Variants in GALNT13 observed in about 807,000 individuals in gnomAD.
GALNT13 encodes UDP-GalNAc:polypeptide N-acetylgalactosaminyltransferase 13.
In GALNT13, 28 loss-of-function variants were observed where a neutral mutation model predicts 64.2. The observed-to-expected ratio is 0.44, with a 90% confidence interval of 0.32 to 0.60. The LOEUF (loss-of-function observed/expected upper bound fraction) is 0.60, where lower values mean the gene tolerates loss of function less well. Among genes scored for constraint, GALNT13 ranks in the 20% least tolerant of loss-of-function variants. The pLI is 0.05. For synonymous variants in GALNT13, 214 were observed against 224.6 expected (o/e 0.95, Z 0.42); for missense variants, 577 against 669.8 (o/e 0.86, Z 1.53).
At chr2:154,203,061 G>T (rs1404835820) in intron 4 of GALNT13, among the ~76,000 whole-genome samples, 1 of 152,084 alleles carries the variant, frequency 6.6e-6, no homozygotes, top group Non-Finnish European at 1.5e-5. Context: ...GTCTGTACTT[G>T]TGTTTTCGGG....
chr2:153,323,682 G>T, the GALNT13 span, among the ~76,000 whole-genome samples: 1 of 152,094 alleles, frequency 6.6e-6, no homozygotes, highest in Non-Finnish European at 1.5e-5. Flanking sequence ...GTAAGGAAGG[G>T]GTCCAGTTTC....
chr2:154,101,985 A>C (rs887090712), intron 3 of GALNT13, among the ~76,000 whole-genome samples: 1 of 152,052 alleles, frequency 6.6e-6, no homozygotes, highest in Non-Finnish European at 1.5e-5. Flanking sequence ...TTCTCATTTT[A>C]GTTCACCCTG....
At chr2:153,725,319 G>C in the GALNT13 span, among the ~76,000 whole-genome samples, 3 of 151,398 alleles carry the variant, frequency 2.0e-5, no homozygotes, top group African/African-American at 4.8e-5. Flanking sequence ...GGAGGGGAGA[G>C]GGGGGAGGGA....
At chr2:153,486,091 C>T in the GALNT13 span, among the ~76,000 whole-genome samples, 610 of 152,174 alleles carry the variant, frequency 4.0e-3, 4 homozygotes, top group Middle Eastern at 0.02. Context: ...GCATGTGCCA[C>T]CACACCTGGC....
the GALNT13 span, among the ~76,000 whole-genome samples, chr2:153,318,212 G>C: frequency 6.7e-6 from 1 of 148,912 alleles, no homozygotes; most frequent in East Asian, 2.0e-4. Flanking sequence ...TCTGATACAA[G>C]GAATCACTGT....
chr2:153,700,740 C>T, the GALNT13 span, among the ~76,000 whole-genome samples: 1 of 152,118 alleles, frequency 6.6e-6, no homozygotes, highest in Non-Finnish European at 1.5e-5. Context: ...CCCCTATCCA[C>T]AATTGCTACA....
chr2:153,518,281 C>A, the GALNT13 span, among the ~76,000 whole-genome samples: 1 of 152,150 alleles, frequency 6.6e-6, no homozygotes, highest in African/African-American at 2.4e-5. Flanking sequence ...AAGTCACACA[C>A]AATCTGTCTC....
chr2:153,630,483 C>T, the GALNT13 span, among the ~76,000 whole-genome samples: 1 of 98,638 alleles, frequency 1.0e-5, no homozygotes, highest in African/African-American at 4.2e-5. Flanking sequence ...GAACATCACA[C>T]TCTGGGGACT....
chr2:153,113,475 T>A, the GALNT13 span, among the ~76,000 whole-genome samples: 1 of 151,990 alleles, frequency 6.6e-6, no homozygotes, highest in Admixed American at 6.6e-5. Flanking sequence ...AATCTTGTAC[T>A]CCAGGTTTCT....
the GALNT13 span, among the ~76,000 whole-genome samples, chr2:153,324,735 A>G: frequency 6.6e-6 from 1 of 152,192 alleles, no homozygotes; most frequent in African/African-American, 2.4e-5. Flanking sequence ...ATCTATTGAG[A>G]TAATCATGTG....
chr2:153,319,388 C>T, the GALNT13 span, among the ~76,000 whole-genome samples: 2 of 152,202 alleles, frequency 1.3e-5, no homozygotes, highest in African/African-American at 2.4e-5. Context: ...ATCCTCCCAC[C>T]TCAGCCTTCT....
intron 1 of GALNT13, among the ~76,000 whole-genome samples, chr2:153,875,537 G>T (rs1361905194): frequency 1.3e-5 from 2 of 152,100 alleles, no homozygotes; most frequent in African/African-American, 4.8e-5. Flanking sequence ...ATGCCAAGTT[G>T]ATTTCTAGAA....
the GALNT13 span, among the ~76,000 whole-genome samples, chr2:153,098,476 C>T: frequency 1.3e-5 from 2 of 152,078 alleles, no homozygotes; most frequent in East Asian, 1.9e-4. Context: ...AGTTTTGCCA[C>T]CTAAGTATGC....
At chr2:153,561,067 A>T in the GALNT13 span, among the ~76,000 whole-genome samples, 1 of 151,982 alleles carries the variant, frequency 6.6e-6, no homozygotes, top group African/African-American at 2.4e-5. Context: ...TTTATTGTAA[A>T]TAAAACCTTC....
the GALNT13 span, among the ~76,000 whole-genome samples, chr2:153,146,559 G>T: frequency 6.6e-6 from 1 of 151,840 alleles, no homozygotes; most frequent in Admixed American, 6.6e-5. Context: ...CATGACTGCA[G>T]GGTACATTAC....
chr2:153,382,268 A>G, the GALNT13 span, among the ~76,000 whole-genome samples: 1 of 151,980 alleles, frequency 6.6e-6, no homozygotes, highest in Admixed American at 6.6e-5. Context: ...CTACATGGGT[A>G]TATTGAACCC....
the GALNT13 span, among the ~76,000 whole-genome samples, chr2:153,411,467 CAG>C: frequency 6.6e-6 from 1 of 152,082 alleles, no homozygotes; most frequent in Non-Finnish European, 1.5e-5. Context: ...GGAAATGACT[CAG>C]ATAAAATCGG....
intron 9 of GALNT13, among the ~76,000 whole-genome samples, chr2:154,305,445 T>C (rs929112142): frequency 2.0e-5 from 3 of 152,190 alleles, no homozygotes; most frequent in African/African-American, 4.8e-5. Context: ...TATGAGTTTA[T>C]ATTGAGCTTC....
At chr2:153,470,299 G>T in the GALNT13 span, among the ~76,000 whole-genome samples, 3 of 152,018 alleles carry the variant, frequency 2.0e-5, no homozygotes, top group Non-Finnish European at 4.4e-5. Context: ...ACAGAAGATT[G>T]GTTTGAATAG....
Sources: gnomAD v4.1 joint callset for allele counts (sites outside exome capture counted in the v4.1 genomes callset) on GRCh38, gnomAD v4.1.1 for gene constraint, MANE v1.5 for transcripts, NCBI Gene and HGNC (gene_info 2026-07-23, HGNC 2026-07-21) for gene names.